The following CSMD1 variants were observed in gnomAD, a reference collection of about 807,000 sequenced individuals.
CSMD1 encodes CUB and sushi domain-containing protein 1.
Under a neutral mutation model 417.5 loss-of-function variants are expected in CSMD1, and 213 were observed. The ratio of observed to expected loss-of-function variants is 0.51; its 90% CI spans 0.46 to 0.57. The LOEUF (loss-of-function observed/expected upper bound fraction) is 0.57, where lower values mean the gene tolerates loss of function less well. CSMD1 is among the 20% of genes least tolerant of loss of function. The pLI is 0.00. For missense variants in CSMD1, 6,923 were observed against 4,529.7 expected (o/e 1.53, Z -15.17); for synonymous variants, 2,862 against 1,736.8 (o/e 1.65, Z -16.11).
intron 18 of CSMD1, among the ~76,000 whole-genome samples, chr8:3,383,048 T>C (rs1170364469): frequency 3.9e-5 from 6 of 152,192 alleles, no homozygotes; most frequent in South Asian, 2.1e-4. Flanking sequence ...CCAGCGCATG[T>C]AGATAGCCAG....
intron 1 of CSMD1, among the ~76,000 whole-genome samples, chr8:4,980,123 T>A (rs1810800812): frequency 6.6e-6 from 1 of 152,226 alleles, no homozygotes; most frequent in African/African-American, 2.4e-5. Flanking sequence ...TATCGTTACT[T>A]CCTATACAAA....
intron 46 of CSMD1, among the ~76,000 whole-genome samples, chr8:3,101,547 G>A (rs768848182): frequency 3.7e-4 from 56 of 150,420 alleles, no homozygotes; most frequent in Non-Finnish European, 6.5e-4. Context: ...CTCAGCCTCC[G>A]GAGTAGCTGG....
At chr8:4,573,997 C>T (rs1038604662) in intron 2 of CSMD1, among the ~76,000 whole-genome samples, 6 of 152,288 alleles carry the variant, frequency 3.9e-5, no homozygotes, top group African/African-American at 7.2e-5. Context: ...TCTCCCAGCT[C>T]GACTTCAGAC....
intron 1 of CSMD1, among the ~76,000 whole-genome samples, chr8:4,709,343 G>T (rs1057421037): frequency 3.3e-5 from 5 of 152,118 alleles, no homozygotes; most frequent in Admixed American, 6.5e-5. Flanking sequence ...GTGTTGGATT[G>T]GGGGAGTTTA....
intron 49 of CSMD1, 123 bp from the exon 50 acceptor site, chr8:3,052,770 T>C: frequency 3.2e-6 from 2 of 622,164 alleles, no homozygotes; most frequent in Admixed American, 5.0e-5. Context: ...GAATTATATT[T>C]CTTTTTTTTT....
intron 1 of CSMD1, among the ~76,000 whole-genome samples, chr8:4,653,629 A>C (rs1173072660): frequency 2.0e-5 from 3 of 152,126 alleles, no homozygotes; most frequent in Non-Finnish European, 2.9e-5. Flanking sequence ...ACAGAGAGTC[A>C]ACTGCAGCGG....
At chr8:4,562,089 T>C (rs17070620) in intron 2 of CSMD1, among the ~76,000 whole-genome samples, 18,459 of 151,758 alleles carry the variant, frequency 0.12, 1,210 homozygotes, top group Non-Finnish European at 0.15. Flanking sequence ...AAGATGGAAA[T>C]ATGTTCCCTG....
intron 8 of CSMD1, among the ~76,000 whole-genome samples, chr8:3,610,054 C>T (rs184616942): frequency 1.7e-4 from 26 of 152,018 alleles, no homozygotes; most frequent in African/African-American, 6.0e-4. Flanking sequence ...CCCACCTTAG[C>T]CTACAGCACC....
At chr8:3,051,114 T>C (rs1382653229) in intron 50 of CSMD1, among the ~76,000 whole-genome samples, 1 of 152,298 alleles carries the variant, frequency 6.6e-6, no homozygotes, top group African/African-American at 2.4e-5. Context: ...CCCAAAGGAA[T>C]ATAAATTGTT....
chr8:4,449,475 C>A (rs1257259421), intron 2 of CSMD1, among the ~76,000 whole-genome samples: 1 of 152,176 alleles, frequency 6.6e-6, no homozygotes. Flanking sequence ...TTAAAACCAT[C>A]ATCCTTCAGT....
chr8:4,469,112 C>G (rs1039171460), intron 2 of CSMD1, among the ~76,000 whole-genome samples: 3 of 152,144 alleles, frequency 2.0e-5, no homozygotes, highest in Non-Finnish European at 4.4e-5. Flanking sequence ...TTTGGTGTGG[C>G]CTCCCTGGAG....
chr8:4,477,380 A>T (rs568112747), intron 2 of CSMD1, among the ~76,000 whole-genome samples: 1 of 152,282 alleles, frequency 6.6e-6, no homozygotes, highest in African/African-American at 2.4e-5. Context: ...AGCCATCGGC[A>T]ACGCCTCGAT....
At chr8:4,269,388 T>G (rs1215472775) in intron 3 of CSMD1, among the ~76,000 whole-genome samples, 2 of 152,162 alleles carry the variant, frequency 1.3e-5, no homozygotes, top group African/African-American at 4.8e-5. Flanking sequence ...TCATTGTGCT[T>G]TGAACCACAC....
intron 3 of CSMD1, among the ~76,000 whole-genome samples, chr8:4,291,945 G>C (rs957240186): frequency 6.6e-6 from 1 of 152,182 alleles, no homozygotes; most frequent in Non-Finnish European, 1.5e-5. Context: ...AAAGCAGGCA[G>C]GGAGCCTGGT....
chr8:4,115,895 G>T (rs1401634557), intron 3 of CSMD1, among the ~76,000 whole-genome samples: 3 of 152,034 alleles, frequency 2.0e-5, no homozygotes, highest in Non-Finnish European at 2.9e-5. Context: ...GAAGACAGAA[G>T]AAAGATCAGT....
intron 1 of CSMD1, among the ~76,000 whole-genome samples, chr8:4,880,404 C>T (rs946014007): frequency 3.3e-5 from 5 of 152,066 alleles, no homozygotes; most frequent in Non-Finnish European, 5.9e-5. Flanking sequence ...GAGAAGGCAT[C>T]AGAGTATCGT....
At chr8:4,856,881 C>T (rs1385434678) in intron 1 of CSMD1, among the ~76,000 whole-genome samples, 11 of 151,962 alleles carry the variant, frequency 7.2e-5, no homozygotes, top group African/African-American at 2.7e-4. Flanking sequence ...AACAAGGATA[C>T]CCAGGAATTG....
chr8:4,642,452 G>C (rs1398211506), intron 1 of CSMD1, among the ~76,000 whole-genome samples: 2 of 152,120 alleles, frequency 1.3e-5, no homozygotes, highest in Non-Finnish European at 2.9e-5. Flanking sequence ...GTATAGCAGT[G>C]GCACATACTT....
In CSMD1 at chr8:4,409,762, C is replaced by G. The variant is rs1423149587; in HGVS notation, c.415+10191G>C. Among the ~76,000 whole-genome samples the G allele has an allele frequency of 4.6e-5, 7 of 151,684 alleles. No homozygotes were observed. In the East Asian group the frequency reaches 5.8e-4, roughly 13 times the overall value. On this transcript the variant is annotated intron_variant, in intron 3 of 69. Coordinates refer to ENST00000635120, the MANE Select transcript of CSMD1 (RefSeq NM_033225.6). ...AACATTAGCACAGGGCATAACTGTT[C>G]CAGGAGAATGTAATATCATACATAA...
Sources: allele counts gnomAD v4.1 joint callset (sites outside exome capture counted in the v4.1 genomes callset), GRCh38; gene constraint gnomAD v4.1.1; transcripts MANE v1.5; gene names NCBI Gene and HGNC (gene_info 2026-07-23, HGNC 2026-07-21).